Variants in AOAH observed in about 807,000 individuals in gnomAD.
AOAH encodes the protein acyloxyacyl hydrolase, also known as acyloxyacyl hydrolase (neutrophil).
A neutral mutation model predicts 92.2 loss-of-function variants in AOAH; 64 were observed. The observed-to-expected ratio is 0.69, with a 90% confidence interval of 0.57 to 0.86. The LOEUF is 0.86. AOAH is among the 40% of genes least tolerant of loss of function. The probability of loss-of-function intolerance (pLI) is 0.00; values close to 1 mark genes in which losing one functional copy is unlikely to be tolerated. For synonymous variants in AOAH, 263 were observed against 254.5 expected (o/e 1.03, Z -0.32); for missense variants, 656 against 694.6 (o/e 0.94, Z 0.62).
At chr7:36,615,891 T>TC (rs1562624280) in intron 11 of AOAH, among the ~76,000 whole-genome samples, 2 of 152,026 alleles carry the variant, frequency 1.3e-5, no homozygotes, top group Non-Finnish European at 2.9e-5. Context: ...CTTTTTTTTT[T>TC]TTATTAAAAA....
chr7:36,526,601 T>G (rs1486377006), intron 19 of AOAH, among the ~76,000 whole-genome samples: 2 of 152,248 alleles, frequency 1.3e-5, no homozygotes, highest in African/African-American at 4.8e-5. Context: ...AATGAATTCC[T>G]ATTTGTTCTT....
At chr7:36,661,767 T>A (rs543507379) in intron 3 of AOAH, among the ~76,000 whole-genome samples, 1 of 152,180 alleles carries the variant, frequency 6.6e-6, no homozygotes, top group Non-Finnish European at 1.5e-5. Context: ...CTGGCCTGAA[T>A]GTGAGTCACT....
intron 15 of AOAH, 97 bp from the exon 16 acceptor site, chr7:36,540,588 A>G (rs1036553027): frequency 9.5e-5 from 66 of 697,604 alleles, no homozygotes; most frequent in African/African-American, 7.6e-4. Flanking sequence ...ACACATACGC[A>G]CACACACACA....
Position 36,516,142 on chromosome 7 carries a change from A to G in AOAH, c.1600-2762T>C, listed in dbSNP as rs1444878078. On this transcript the variant is annotated intron_variant, in intron 20 of 20. Transcript: ENST00000617537. This position sits in a 1 kb window ranked among gnomAD's most constrained non-coding sequence, Gnocchi z 5.0. ...CACACACCACACACAGATACACCACACACATCTCACACACACACACCACAC... is the reference window on the plus strand; with the variant it reads ...CACACACCACACACAGATACACCACGCACATCTCACACACACACACCACAC... Among the ~76,000 whole-genome samples, 1 of 148,942 alleles carries G rather than the reference A, an allele frequency of 6.7e-6. No individual in the cohort carries two copies. The highest frequency in any genetic ancestry group is 2.0e-4 in the East Asian group (1 of 5,006).
intron 2 of AOAH, among the ~76,000 whole-genome samples, chr7:36,682,135 T>C (rs1796686994): frequency 6.6e-6 from 1 of 152,176 alleles, no homozygotes; most frequent in Admixed American, 6.5e-5. Context: ...AGTTCAAGAC[T>C]AGAAGGAATT....
chr7:36,532,052 C>T, intron 18 of AOAH, 95 bp downstream of exon 18: 1 of 1,454,840 alleles, frequency 6.9e-7, no homozygotes, highest in East Asian at 2.3e-5. Context: ...TGGAGACCAT[C>T]TGCCTGCCAG....
intron 19 of AOAH, among the ~76,000 whole-genome samples, chr7:36,522,451 C>T (rs1324990823): frequency 1.3e-5 from 2 of 152,212 alleles, no homozygotes; most frequent in Non-Finnish European, 2.9e-5. Context: ...GATGGTATTA[C>T]AGTAGGGAAA....
chr7:36,657,147 T>G (rs1222062624), intron 4 of AOAH, among the ~76,000 whole-genome samples: 1 of 152,198 alleles, frequency 6.6e-6, no homozygotes, highest in Non-Finnish European at 1.5e-5. Flanking sequence ...AAACACACAT[T>G]TCGACATCAG....
intron 15 of AOAH, among the ~76,000 whole-genome samples, chr7:36,541,156 C>T (rs1785400418): frequency 6.6e-6 from 1 of 152,228 alleles, no homozygotes; most frequent in Non-Finnish European, 1.5e-5. Flanking sequence ...CATTTCTACA[C>T]TGGATTTGGA....
In AOAH at chr7:36,615,489, C is replaced by T. The variant is rs115852966; in HGVS notation, c.846+891G>A. On this transcript the variant is annotated intron_variant, in intron 11 of 20. Transcript: ENST00000617537. ...GCACAGGTTTTGTTACATTTCCTCA[C>T]GATAACTTATGGCCACAGGAAGCCC... Among the ~76,000 whole-genome samples, 81 of 152,260 alleles carry T rather than the reference C, an allele frequency of 5.3e-4. 1 individual carries two copies. The highest frequency in any genetic ancestry group is 1.7e-3 in the African/African-American group (72 of 41,538).
intron 4 of AOAH, among the ~76,000 whole-genome samples, chr7:36,646,011 C>T (rs777237111): frequency 1.4e-4 from 21 of 152,182 alleles, no homozygotes; most frequent in East Asian, 3.9e-4. Flanking sequence ...TTAAAAAAAG[C>T]GTTATTTTAA....
At chr7:36,717,032 G>A (rs959315478) in intron 1 of AOAH, among the ~76,000 whole-genome samples, 8 of 151,516 alleles carry the variant, frequency 5.3e-5, no homozygotes, top group African/African-American at 1.5e-4. Context: ...AAGCATAGTC[G>A]ACCCTGCATT....
chr7:36,576,663 C>CA lies in AOAH; in HGVS notation c.939-8dup. The CA allele has an allele frequency of 7.0e-7, 1 of 1,424,856 alleles. No homozygotes were observed. The highest frequency in any genetic ancestry group is 9.8e-7 in the Non-Finnish European group (1 of 1,021,956). 88.3% of individuals were successfully genotyped at this position (1,424,856 alleles called of 1,614,324 possible). A position where few individuals can be genotyped will look rare whatever the true frequency, so the allele number is the denominator to read the frequency against. ...AATAGATTTTTCTTTAATTCTGAAA[C>CA]AAATATATATGTATATATTTAAGGT... On this transcript the variant is annotated splice_polypyrimidine_tract_variant and splice_region_variant and intron_variant, in intron 12 of 20. Transcript: ENST00000617537.
intron 1 of AOAH, among the ~76,000 whole-genome samples, chr7:36,691,424 C>A (rs1193899085): frequency 6.6e-6 from 1 of 152,196 alleles, no homozygotes; most frequent in South Asian, 2.1e-4. Context: ...TGGCACACAA[C>A]GCCGGTGTGA....
At chr7:36,634,263 T>A (rs1432136749) in intron 5 of AOAH, among the ~76,000 whole-genome samples, 2 of 152,082 alleles carry the variant, frequency 1.3e-5, no homozygotes, top group African/African-American at 4.8e-5. Context: ...AGAAATGAAA[T>A]CCACAAGCAG....
At chr7:36,517,405 TTC>T (rs1390569986) in intron 20 of AOAH, among the ~76,000 whole-genome samples, 2 of 150,640 alleles carry the variant, frequency 1.3e-5, no homozygotes, top group Non-Finnish European at 3.0e-5. Context: ...ATTCTCTTGC[TTC>T]AGCCTCTCCA....
intron 1 of AOAH, among the ~76,000 whole-genome samples, chr7:36,720,140 T>TG (rs1799523096): frequency 9.9e-6 from 1 of 100,542 alleles, no homozygotes; most frequent in African/African-American, 2.9e-5. Context: ...AATTCTAAAG[T>TG]TTTTTTTTTT....
chr7:36,602,371 C>G (rs1350861020), intron 11 of AOAH, among the ~76,000 whole-genome samples: 2 of 151,750 alleles, frequency 1.3e-5, no homozygotes, highest in Non-Finnish European at 2.9e-5. Flanking sequence ...ATGCATTTCT[C>G]TCACTGCCGC....
chr7:36,585,886 A>T (rs1454451632), intron 12 of AOAH, among the ~76,000 whole-genome samples: 1 of 152,162 alleles, frequency 6.6e-6, no homozygotes, highest in Non-Finnish European at 1.5e-5. Context: ...ATACACATTA[A>T]TTTTTTTGTA....
Sources: allele counts gnomAD v4.1 joint callset (sites outside exome capture counted in the v4.1 genomes callset), GRCh38; gene constraint gnomAD v4.1.1; non-coding constraint Gnocchi (gnomAD v3.1); transcripts MANE v1.5; gene names NCBI Gene and HGNC (gene_info 2026-07-23, HGNC 2026-07-21).